EML1: variants seen among roughly 807,000 people sequenced by gnomAD.
The protein encoded by EML1 is EMAP like 1.
Under a neutral mutation model 110.4 loss-of-function variants are expected in EML1, and 27 were observed. The ratio of observed to expected loss-of-function variants is 0.24; its 90% CI spans 0.18 to 0.34. The LOEUF (loss-of-function observed/expected upper bound fraction) is 0.34, where lower values mean the gene tolerates loss of function less well. EML1 is among the 10% of genes least tolerant of loss of function. The pLI is 1.00. For missense variants in EML1, 741 were observed against 1,030.9 expected (o/e 0.72, Z 3.85); for synonymous variants, 344 against 385.8 (o/e 0.89, Z 1.27).
chr14:99,890,952 C>T (rs2059577110), intron 4 of EML1, among the ~76,000 whole-genome samples: 1 of 152,190 alleles, frequency 6.6e-6, no homozygotes, highest in Non-Finnish European at 1.5e-5. Flanking sequence ...CACTTACTTG[C>T]AGTCATAAAA....
At chr14:99,862,497 A>G (rs2059018530) in intron 2 of EML1, among the ~76,000 whole-genome samples, 1 of 151,946 alleles carries the variant, frequency 6.6e-6, no homozygotes, top group African/African-American at 2.4e-5. Flanking sequence ...CTGTATGGGG[A>G]TTTGTCCGTT....
chr14:99,888,327 A>G (rs192976053), intron 4 of EML1, among the ~76,000 whole-genome samples: 6 of 152,346 alleles, frequency 3.9e-5, no homozygotes, highest in Admixed American at 2.0e-4. Flanking sequence ...TGCAGGAAGA[A>G]CATAGTTCAT....
At chr14:99,934,021 G>A (rs1184199442) in intron 17 of EML1, among the ~76,000 whole-genome samples, 1 of 152,252 alleles carries the variant, frequency 6.6e-6, no homozygotes, top group East Asian at 1.9e-4. Flanking sequence ...CTTGAACTCA[G>A]GAGGTGGAGG....
At chr14:99,895,241 A>AC (rs1566923684) in intron 6 of EML1, among the ~76,000 whole-genome samples, 2 of 151,504 alleles carry the variant, frequency 1.3e-5, no homozygotes, top group African/African-American at 2.4e-5. Flanking sequence ...ATGAGAACTG[A>AC]TTTTTTTTTA....
At chr14:99,754,790 G>A (rs527335088) in intron 1 of EML1, among the ~76,000 whole-genome samples, 1 of 152,260 alleles carries the variant, frequency 6.6e-6, no homozygotes, top group East Asian at 1.9e-4. Context: ...GAGGACTATG[G>A]AGCCCACGCA....
At chr14:99,752,017 C>G (rs534476579) in intron 1 of EML1, among the ~76,000 whole-genome samples, 6 of 152,242 alleles carry the variant, frequency 3.9e-5, no homozygotes, top group African/African-American at 1.4e-4. Context: ...GAGGCAAACC[C>G]AAGGCCGTTT....
chr14:99,938,118 G>A (rs1273428182), intron 20 of EML1, among the ~76,000 whole-genome samples: 1 of 152,072 alleles, frequency 6.6e-6, no homozygotes, highest in Non-Finnish European at 1.5e-5. Flanking sequence ...CCAGAGAGAT[G>A]GGTTTTTAAC....
chr14:99,852,595 A>G (rs2058829721), intron 2 of EML1, among the ~76,000 whole-genome samples: 1 of 152,210 alleles, frequency 6.6e-6, no homozygotes, highest in Admixed American at 6.5e-5. Flanking sequence ...ACAGAGCAAG[A>G]CCCCATCTCA....
At chr14:99,776,390 G>C (rs141157076) in intron 1 of EML1, among the ~76,000 whole-genome samples, 50 of 152,148 alleles carry the variant, frequency 3.3e-4, no homozygotes, top group African/African-American at 1.1e-3. Context: ...AGCAATCCCA[G>C]CTACTTGGGA....
At chr14:99,876,375 C>T (rs931763731) in intron 3 of EML1, among the ~76,000 whole-genome samples, 10 of 152,156 alleles carry the variant, frequency 6.6e-5, no homozygotes, top group African/African-American at 1.9e-4. Flanking sequence ...CCACTGGCGC[C>T]GCCTGAGACT....
chr14:99,926,919 A>G (rs781661891), intron 17 of EML1, among the ~76,000 whole-genome samples: 1 of 151,738 alleles, frequency 6.6e-6, no homozygotes, highest in Admixed American at 6.6e-5. Flanking sequence ...AATTTTTTGT[A>G]TTTTTAGTAG....
intron 10 of EML1, 170 bp from the exon 11 acceptor site, chr14:99,909,175 C>G (rs541182936): frequency 2.0e-5 from 21 of 1,025,008 alleles, no homozygotes; most frequent in South Asian, 1.6e-4. Context: ...AGGCCCACAC[C>G]AGCATATGCT....
chr14:99,806,607 C>G (rs1317746134), intron 1 of EML1, among the ~76,000 whole-genome samples: 1 of 152,098 alleles, frequency 6.6e-6, no homozygotes, highest in Non-Finnish European at 1.5e-5. Context: ...TGAGCCACTG[C>G]GCCTGGCCAG....
At position 99,827,280 on chromosome 14, in the gene EML1, C is replaced by T. The variant is rs74084775; in HGVS notation, c.68-23573C>T. Among the ~76,000 whole-genome samples, 5,382 of 151,962 alleles carry T rather than the reference C, an allele frequency of 0.035. 330 individuals are homozygous for T. The highest frequency in any genetic ancestry group is 0.12 in the African/African-American group (5,119 of 41,410). On this transcript the variant is annotated intron_variant, in intron 1 of 21. Transcript: ENST00000262233. This position sits in a 1 kb window ranked among gnomAD's most constrained non-coding sequence, Gnocchi z 4.4. The stretch of plus-strand genomic sequence containing the variant: ...GAAGACACAGGGAGAAGATGGCCAG[C>T]GAGAGAGGCCTCAGAAGAAACTAGC...
At chr14:99,833,391 G>C (rs1043025222) in intron 1 of EML1, among the ~76,000 whole-genome samples, 1 of 152,074 alleles carries the variant, frequency 6.6e-6, no homozygotes, top group Non-Finnish European at 1.5e-5. Flanking sequence ...ATGTTGTCTT[G>C]ATGACTGTCA....
At chr14:99,757,200 G>A (rs1435549503) in intron 1 of EML1, among the ~76,000 whole-genome samples, 1 of 152,306 alleles carries the variant, frequency 6.6e-6, no homozygotes, top group East Asian at 1.9e-4. Flanking sequence ...TTAGCTGGGT[G>A]TGGTGGTGCA....
chr14:99,856,751 C>T (rs770713518), intron 2 of EML1, among the ~76,000 whole-genome samples: 7 of 152,154 alleles, frequency 4.6e-5, no homozygotes, highest in Middle Eastern at 3.4e-3. Flanking sequence ...TTAAAAAAGA[C>T]GTTTCAAATT....
In EML1 at chr14:99,818,236, G is replaced by C. The variant is rs566691897; in HGVS notation, c.67+24693G>C. ...GGTGATCAAATCTGCACTTTGGAAG[G>C]ATCACTCAGACATAAAGAAGAGGAA... On this transcript the variant is annotated intron_variant, in intron 1 of 21. Coordinates refer to ENST00000262233, the MANE Select transcript of EML1 (RefSeq NM_004434.3). Among the ~76,000 whole-genome samples the C allele has an allele frequency of 2.1e-4, 32 of 152,250 alleles. No individual in the cohort carries two copies. The South Asian group carries it at 6.2e-3, about 30-fold the overall frequency.
At chr14:99,770,778 G>GTTTTTTTTTTTTTTTTT (rs1198007774), upstream of EML1, among the ~76,000 whole-genome samples, 2 of 79,544 alleles carry the variant, frequency 2.5e-5, no homozygotes, top group African/African-American at 4.4e-5. Flanking sequence ...AGTTTCCGCT[G>GTTTTTTTTTTTTTTTTT]ATTTTTTTTT....
Sources: allele counts gnomAD v4.1 joint callset (sites outside exome capture counted in the v4.1 genomes callset), GRCh38; gene constraint gnomAD v4.1.1; non-coding constraint Gnocchi (gnomAD v3.1); transcripts MANE v1.5; gene names NCBI Gene and HGNC (gene_info 2026-07-23, HGNC 2026-07-21).